The following TYW1 variants were observed in gnomAD, a reference collection of about 807,000 sequenced individuals.
TYW1 encodes tRNA-yW synthesizing protein 1 homolog, also known as S-adenosyl-L-methionine-dependent tRNA 4-demethylwyosine synthase TYW1.
TYW1 carries 46 observed loss-of-function variants against 96.2 expected under a neutral mutation model. The observed-to-expected ratio is 0.48, with a 90% CI of 0.38 to 0.61. The LOEUF (loss-of-function observed/expected upper bound fraction) is 0.61, where lower values mean the gene tolerates loss of function less well. Ranked by LOEUF, TYW1 falls within the 20% of genes least tolerant of loss-of-function variation. The probability of loss-of-function intolerance (pLI) is 0.00; values close to 1 mark genes in which losing one functional copy is unlikely to be tolerated. For synonymous variants in TYW1, 274 were observed against 323.0 expected, an observed-to-expected ratio of 0.85 and a Z score of 1.63; for missense variants, 684 against 909.6, an observed-to-expected ratio of 0.75 and a Z score of 3.19.
intron 15 of TYW1, among the ~76,000 whole-genome samples, chr7:67,237,043 G>A (rs535699102): frequency 1.7e-4 from 26 of 152,074 alleles, no homozygotes; most frequent in South Asian, 6.2e-4. Context: ...ACACCACCAC[G>A]CCTGGCTAAT....
At chr7:67,204,594 C>A (rs1319331400) in intron 15 of TYW1, among the ~76,000 whole-genome samples, 2 of 132,602 alleles carry the variant, frequency 1.5e-5, no homozygotes, top group Non-Finnish European at 3.2e-5. Flanking sequence ...TCTTCTTCTT[C>A]TTTTCTTTTT....
intron 12 of TYW1, among the ~76,000 whole-genome samples, chr7:67,105,120 C>T (rs1453583825): frequency 1.3e-5 from 2 of 152,250 alleles, no homozygotes; most frequent in Admixed American, 6.5e-5. Context: ...TCTTTCAAGC[C>T]TTTGCTTGTA....
At chr7:67,033,081 G>A (rs1794724047) in intron 7 of TYW1, among the ~76,000 whole-genome samples, 2 of 151,820 alleles carry the variant, frequency 1.3e-5, no homozygotes, top group South Asian at 4.2e-4. Flanking sequence ...AATTTTAGTA[G>A]AGATGGAGTT....
intron 13 of TYW1, among the ~76,000 whole-genome samples, chr7:67,170,804 A>G (rs916776805): frequency 2.0e-5 from 3 of 152,212 alleles, no homozygotes; most frequent in Non-Finnish European, 4.4e-5. Flanking sequence ...CTTGGTAATA[A>G]TGTAAAATAT....
chr7:67,162,015 G>C (rs12155051), intron 13 of TYW1, among the ~76,000 whole-genome samples: 1 of 151,776 alleles, frequency 6.6e-6, no homozygotes, highest in African/African-American at 2.4e-5. Context: ...AAACATTCTG[G>C]ACCGGGCGCA....
At chr7:67,092,662 GCCTATCA>G (rs1039432184) in intron 11 of TYW1, among the ~76,000 whole-genome samples, 6 of 141,700 alleles carry the variant, frequency 4.2e-5, no homozygotes, top group African/African-American at 1.0e-4. Flanking sequence ...TTTTCCACGT[GCCTATCA>G]CCTTCTTTTT....
chr7:67,077,424 G>A (rs1302410482), intron 10 of TYW1, among the ~76,000 whole-genome samples: 1 of 152,146 alleles, frequency 6.6e-6, no homozygotes, highest in African/African-American at 2.4e-5. Context: ...TTTGATAATA[G>A]TCATTTTAAC....
chr7:67,174,625 G>A (rs78229697), intron 13 of TYW1, among the ~76,000 whole-genome samples: 18,931 of 150,224 alleles, frequency 0.13, 1,492 homozygotes, highest in East Asian at 0.29. Context: ...AAAGAACAGA[G>A]CAGTAAATTA....
intron 13 of TYW1, among the ~76,000 whole-genome samples, chr7:67,120,849 TAA>T (rs1373239749): frequency 1.3e-5 from 2 of 152,236 alleles, no homozygotes; most frequent in Admixed American, 1.3e-4. Context: ...CTCATGACAG[TAA>T]TGCAGTAACT....
At chr7:67,069,517 G>A (rs1795968859) in intron 10 of TYW1, among the ~76,000 whole-genome samples, 1 of 152,192 alleles carries the variant, frequency 6.6e-6, no homozygotes, top group East Asian at 1.9e-4. Context: ...GGTGGGTGGA[G>A]CATTTGAGCC....
chr7:67,181,676 T>G (rs900517989), intron 13 of TYW1, among the ~76,000 whole-genome samples: 2 of 136,088 alleles, frequency 1.5e-5, no homozygotes, highest in African/African-American at 5.9e-5. Flanking sequence ...GCAGCCTGAG[T>G]GTTACCTGGG....
intron 11 of TYW1, among the ~76,000 whole-genome samples, chr7:67,094,324 T>G (rs1584552269): frequency 6.6e-6 from 1 of 151,536 alleles, no homozygotes; most frequent in Non-Finnish European, 1.5e-5. Flanking sequence ...TGGGTACAGG[T>G]TTTTTTTTAA....
At chr7:67,171,869 T>C (rs1799525065) in intron 13 of TYW1, among the ~76,000 whole-genome samples, 1 of 152,140 alleles carries the variant, frequency 6.6e-6, no homozygotes, top group Non-Finnish European at 1.5e-5. Flanking sequence ...ATTTAAGTTA[T>C]ATCTCCACAA....
intron 10 of TYW1, among the ~76,000 whole-genome samples, chr7:67,080,340 C>T (rs1447846587): frequency 1.3e-5 from 2 of 151,154 alleles, no homozygotes; most frequent in African/African-American, 2.4e-5. Context: ...TCCTTGGTCT[C>T]ATTTTACAGT....
intron 3 of TYW1, among the ~76,000 whole-genome samples, chr7:67,006,468 C>T (rs1258867895): frequency 8.9e-6 from 1 of 112,728 alleles, no homozygotes; most frequent in Non-Finnish European, 1.7e-5. Flanking sequence ...GAGATGGAGT[C>T]TCACCCAGTT....
At chr7:67,018,520 A>C (rs1180844798) in intron 6 of TYW1, among the ~76,000 whole-genome samples, 3 of 151,874 alleles carry the variant, frequency 2.0e-5, no homozygotes, top group Non-Finnish European at 4.4e-5. Flanking sequence ...CAGCCTGGGC[A>C]ACAGAGTGAG....
chr7:67,089,265 G>A (rs1190097909), intron 11 of TYW1: 5 of 1,345,560 alleles, frequency 3.7e-6, no homozygotes, highest in Admixed American at 2.2e-5. Flanking sequence ...CCTCAGTGGG[G>A]TGGGGGCAAA....
chr7:67,126,289 G>A (rs940831521), intron 13 of TYW1, among the ~76,000 whole-genome samples: 1 of 151,360 alleles, frequency 6.6e-6, no homozygotes, highest in African/African-American at 2.4e-5. Context: ...TATCTTTGAT[G>A]AGATGTCTGC....
intron 13 of TYW1, among the ~76,000 whole-genome samples, chr7:67,136,922 A>C (rs1212035007): frequency 1.3e-5 from 2 of 151,920 alleles, no homozygotes; most frequent in Non-Finnish European, 1.5e-5. Context: ...TCCTGGGTTC[A>C]AGCAATTCTC....
Sources: gnomAD v4.1 joint callset for allele counts (sites outside exome capture counted in the v4.1 genomes callset) on GRCh38, gnomAD v4.1.1 for gene constraint, MANE v1.5 for transcripts, NCBI Gene and HGNC (gene_info 2026-07-23, HGNC 2026-07-21) for gene names.